Variants in PRKG2 observed in about 807,000 individuals in gnomAD.
PRKG2 encodes the protein protein kinase cGMP-dependent 2, also known as cGMP-dependent protein kinase 2.
In PRKG2, 33 loss-of-function variants were observed where a neutral mutation model predicts 97.2. That is an observed-to-expected ratio of 0.34 (90% CI 0.26 to 0.45). The LOEUF is 0.45. Ranked by LOEUF, PRKG2 falls within the 20% of genes least tolerant of loss-of-function variation. PRKG2 has a pLI of 1.00. For synonymous variants in PRKG2, 330 were observed against 321.8 expected, an observed-to-expected ratio of 1.03 and a Z score of -0.27; for missense variants, 638 against 900.0, an observed-to-expected ratio of 0.71 and a Z score of 3.73.
At chr4:81,158,345 A>G (rs1749294274) in intron 6 of PRKG2, among the ~76,000 whole-genome samples, 2 of 150,338 alleles carry the variant, frequency 1.3e-5, no homozygotes, top group South Asian at 2.1e-4. Context: ...TTCAAAGAGA[A>G]TAAAATACCT....
rs1186803888 is a variant in PRKG2, at chr4:81,092,461, T to TAAAG, written c.2127-10_2127-9insCTTT. 1 of 1,157,480 alleles carries TAAAG rather than the reference T, an allele frequency of 8.6e-7. No individual in the cohort carries two copies. The highest frequency in any genetic ancestry group is 3.0e-5 in the African/African-American group (1 of 33,644). The allele number at this position is 1,157,480 out of a possible 1,614,324, so 71.7% of individuals were successfully genotyped here. A position where few individuals can be genotyped will look rare whatever the true frequency, so the allele number is the denominator to read the frequency against. On this transcript the variant is annotated splice_polypyrimidine_tract_variant and intron_variant, in intron 17 of 18. Coordinates refer to ENST00000264399, the MANE Select transcript of PRKG2 (RefSeq NM_006259.3). ...TAAAACCATTTAACCACCTGAGAAA[T>TAAAG]GAGAAAGGAAGGAAGGAAGGAAGGA...
intron 14 of PRKG2, among the ~76,000 whole-genome samples, chr4:81,119,267 C>T (rs112742342): frequency 0.03 from 4,584 of 152,152 alleles, 226 homozygotes; most frequent in African/African-American, 0.1. Flanking sequence ...GGTCTTTGAT[C>T]CATTTTGAGT....
chr4:81,105,692 A>G (rs1332379275), intron 16 of PRKG2, 121 bp downstream of exon 16: 8 of 1,359,758 alleles, frequency 5.9e-6, no homozygotes, highest in African/African-American at 1.5e-5. Flanking sequence ...TTCAAATATA[A>G]TTTGCCTATA....
Position 81,089,703 on chromosome 4 carries a change from T to C in PRKG2, c.*5A>G. On this transcript the variant is annotated 3_prime_UTR_variant, in exon 19 of 19. Coordinates refer to ENST00000264399, the MANE Select transcript of PRKG2 (RefSeq NM_006259.3). ...GAGTACAGGCAGTAATCAACTTTTCTTCTGTCAGAAGTCTTTATCCCAGCC... is the reference window on the plus strand; with the variant it reads ...GAGTACAGGCAGTAATCAACTTTTCCTCTGTCAGAAGTCTTTATCCCAGCC... 1 of 1,590,450 alleles carries C rather than the reference T, an allele frequency of 6.3e-7. No homozygotes were observed. Among genetic ancestry groups the C allele is most frequent in the Non-Finnish European group, 8.6e-7 (1 of 1,158,848 alleles).
chr4:81,125,972 C>T (rs1745508822), intron 14 of PRKG2, among the ~76,000 whole-genome samples: 1 of 152,120 alleles, frequency 6.6e-6, no homozygotes, highest in South Asian at 2.1e-4. Context: ...TAGTTTGCTG[C>T]ACCCATCAAC....
intron 2 of PRKG2, among the ~76,000 whole-genome samples, chr4:81,182,713 A>G (rs1405757486): frequency 6.6e-6 from 1 of 152,136 alleles, no homozygotes; most frequent in Non-Finnish European, 1.5e-5. Flanking sequence ...CACTTGATAT[A>G]AAGTCAATAT....
At chr4:81,174,329 T>C (rs574990780) in intron 3 of PRKG2, among the ~76,000 whole-genome samples, 32 of 152,246 alleles carry the variant, frequency 2.1e-4, no homozygotes, top group Admixed American at 1.2e-3. Flanking sequence ...GGTGCATTTC[T>C]TAAAATGTTA....
intron 14 of PRKG2, among the ~76,000 whole-genome samples, chr4:81,113,575 A>C (rs1744197161): frequency 6.6e-6 from 1 of 152,206 alleles, no homozygotes; most frequent in Non-Finnish European, 1.5e-5. Flanking sequence ...TCATTCAGAA[A>C]TAGAAAAATT....
chr4:81,089,710 A>C lies in PRKG2; in HGVS notation c.2287T>G (p.Ter763GlyextTer5). The change falls in exon 19 of 19, where the codon TGA (stop) becomes GGA (glycine). Residue 763 changes from the stop codon to glycine, a stop_lost. Coordinates refer to ENST00000264399, the MANE Select transcript of PRKG2 (RefSeq NM_006259.3). ...DELSGWDKDF[*>G] is the part of the protein sequence containing the mutation. ...GGCAGTAATCAACTTTTCTTCTGTC[A>C]GAAGTCTTTATCCCAGCCTGATAGC... 1.2e-6 allele frequency: 2 copies of C among 1,601,716 alleles called. No individual in the cohort carries two copies. Among genetic ancestry groups the C allele is most frequent in the Non-Finnish European group, 1.7e-6 (2 of 1,168,936 alleles).
chr4:81,111,626 T>G (rs1011566620), intron 14 of PRKG2, among the ~76,000 whole-genome samples: 3 of 152,110 alleles, frequency 2.0e-5, no homozygotes, highest in African/African-American at 4.8e-5. Context: ...AATGAATCAG[T>G]GCTACCGTCC....
intron 14 of PRKG2, among the ~76,000 whole-genome samples, chr4:81,122,436 A>G (rs1242095827): frequency 1.2e-4 from 18 of 152,104 alleles, no homozygotes; most frequent in Non-Finnish European, 1.5e-5. Context: ...CCCAGGTGAG[A>G]TTCATTTTGG....
chr4:81,189,527 C>T lies in PRKG2; in HGVS notation c.462-14568G>A, dbSNP rs550976225. Among the ~76,000 whole-genome samples the T allele has an allele frequency of 1.3e-3, 197 of 147,166 alleles. 1 individual carries two copies. The highest frequency in any genetic ancestry group is 3.4e-3 in the Middle Eastern group (1 of 292). On this transcript the variant is annotated intron_variant, in intron 2 of 18. Transcript: ENST00000264399. The stretch of plus-strand genomic sequence containing the variant: ...ATCGCAAGAACAAAAAACCAAACAC[C>T]GCGTATTCTCACTCATAGGTGGGAA...
At chr4:81,095,275 C>T (rs1478723581) in intron 17 of PRKG2, among the ~76,000 whole-genome samples, 2 of 152,180 alleles carry the variant, frequency 1.3e-5, no homozygotes, top group East Asian at 3.8e-4. Context: ...AAGTGAGAGT[C>T]AGACAGCAAC....
At chr4:81,098,159 T>C (rs995545407) in intron 17 of PRKG2, among the ~76,000 whole-genome samples, 2 of 151,914 alleles carry the variant, frequency 1.3e-5, no homozygotes, top group African/African-American at 4.8e-5. Context: ...GGCAGAAAAA[T>C]GTGAAAAGAG....
intron 11 of PRKG2, 47 bp from the exon 12 acceptor site, chr4:81,140,716 T>A: frequency 6.7e-7 from 1 of 1,487,860 alleles, no homozygotes; most frequent in Non-Finnish European, 9.3e-7. Flanking sequence ...TATATCTATA[T>A]AAAACACACT....
rs757069865 is a variant in PRKG2 at position 81,135,220 on chromosome 4, C to G, written c.1711G>C (p.Gly571Arg). The G allele has an allele frequency of 1.9e-6, 3 of 1,612,642 alleles. No homozygotes were observed. The highest frequency in any genetic ancestry group is 1.7e-4 in the Middle Eastern group (1 of 6,058). Residue 571 changes from glycine to arginine, a missense_variant, in exon 14 of 19, where the codon GGT (glycine) becomes CGT (arginine). Coordinates refer to ENST00000264399, the MANE Select transcript of PRKG2 (RefSeq NM_006259.3). ...TEAFDYLHRL[G>R]IIYRDLKPEN... ...GGTTTCAAGTCTCTGTAGATAATAC[C>G]TAGTCGATGCAGGTAATCAAATGCT... is the stretch of plus-strand genomic sequence containing the variant.
chr4:81,184,901 G>A (rs977267845), intron 2 of PRKG2, among the ~76,000 whole-genome samples: 9 of 152,072 alleles, frequency 5.9e-5, no homozygotes, highest in African/African-American at 1.9e-4. Context: ...AGAGATTGAA[G>A]ATCAACTTAA....
At chr4:81,208,467 C>T (rs1175940804) in intron 1 of PRKG2, among the ~76,000 whole-genome samples, 3 of 152,132 alleles carry the variant, frequency 2.0e-5, no homozygotes, top group Admixed American at 1.3e-4. Flanking sequence ...ATTCTGCAGC[C>T]ATGAGATGCA....
intron 2 of PRKG2, among the ~76,000 whole-genome samples, chr4:81,202,749 T>C (rs1367029957): frequency 2.0e-5 from 3 of 151,916 alleles, no homozygotes; most frequent in Non-Finnish European, 4.4e-5. Context: ...TTTGCCTGAT[T>C]ATAGCAGAGC....
Sources: allele counts gnomAD v4.1 joint callset (sites outside exome capture counted in the v4.1 genomes callset), GRCh38; gene constraint gnomAD v4.1.1; transcripts MANE v1.5; gene names NCBI Gene and HGNC (gene_info 2026-07-23, HGNC 2026-07-21).